ST7: variants seen among roughly 807,000 people sequenced by gnomAD.
ST7 encodes suppressor of tumorigenicity 7 protein.
Under a neutral mutation model 78.7 loss-of-function variants are expected in ST7, and 28 were observed. That is an observed-to-expected ratio of 0.36 (90% CI 0.26 to 0.49). The LOEUF is 0.49. ST7 is among the 20% of genes least tolerant of loss of function. The pLI is 0.99. For missense variants in ST7, 418 were observed against 696.0 expected (o/e 0.60, Z 4.49); for synonymous variants, 247 against 249.6 (o/e 0.99, Z 0.10).
chr7:117,074,177 G>A (rs904828175), intron 1 of ST7, among the ~76,000 whole-genome samples: 2 of 152,114 alleles, frequency 1.3e-5, no homozygotes, highest in Admixed American at 1.3e-4. Context: ...GATCACTTGA[G>A]GCCAGGAGTT....
chr7:117,083,029 T>G (rs1292625684), intron 1 of ST7, among the ~76,000 whole-genome samples: 1 of 152,190 alleles, frequency 6.6e-6, no homozygotes, highest in Non-Finnish European at 1.5e-5. Context: ...ACACCTTCCA[T>G]TTTTCTGCTA....
intron 15 of ST7, among the ~76,000 whole-genome samples, chr7:117,228,067 T>C (rs1043429404): frequency 6.6e-6 from 1 of 152,156 alleles, no homozygotes; most frequent in African/African-American, 2.4e-5. Flanking sequence ...CTTTTCCATT[T>C]CTCTTTGACT....
At chr7:117,041,366 C>A (rs1584506567) in intron 1 of ST7, among the ~76,000 whole-genome samples, 1 of 152,250 alleles carries the variant, frequency 6.6e-6, no homozygotes, top group African/African-American at 2.4e-5. Context: ...TGCCAAAAAA[C>A]CATGTTACAG....
At position 117,170,853 on chromosome 7, in the gene ST7, C is replaced by T. The variant is rs1225585379; in HGVS notation, c.964-9C>T. ...TATACTAATTATTCCTTGGTTTCTT[C>T]TGCCCTAGTTAATGAAGGAGTTCCC... is the stretch of plus-strand genomic sequence containing the variant. On this transcript the variant is annotated splice_polypyrimidine_tract_variant and intron_variant, in intron 9 of 15. Coordinates refer to ENST00000323984, the MANE Select transcript of ST7 (RefSeq NM_001369598.1). 6.6e-7 allele frequency: 1 copy of T among 1,507,026 alleles called. No homozygotes were observed. The highest frequency in any genetic ancestry group is 1.8e-5 in the Admixed American group (1 of 54,856). The allele number at this position is 1,507,026 out of a possible 1,614,324, so 93.4% of individuals were successfully genotyped here.
rs549282748 is a variant in ST7, at chr7:117,100,068, AG to A, written c.234+228del. Among the ~76,000 whole-genome samples the A allele has an allele frequency of 8.6e-4, 131 of 152,302 alleles. 2 individuals carry two copies. The Middle Eastern group carries it at 0.017, about 20-fold the overall frequency. On this transcript the variant is annotated intron_variant, in intron 2 of 15. Transcript: ENST00000323984. Reference sequence around the variant, plus strand: ...AAGCAATCGTATATTACTTTGTTGAAGGGGAAAAACAAATGTAAATGAAATG... The same window carrying A: ...AAGCAATCGTATATTACTTTGTTGAAGGGAAAAACAAATGTAAATGAAATG...
At chr7:117,198,483 C>A (rs769545959) in intron 12 of ST7, 1 of 318,530 alleles carries the variant, frequency 3.1e-6, no homozygotes, top group Non-Finnish European at 6.2e-6. Flanking sequence ...AGGGGAGGCT[C>A]TAGCATGTTC....
chr7:117,200,721 C>G (rs753433360), intron 12 of ST7, among the ~76,000 whole-genome samples: 2 of 151,326 alleles, frequency 1.3e-5, no homozygotes, highest in Non-Finnish European at 2.9e-5. Context: ...ATTTAGCTTT[C>G]AAATTATAAG....
chr7:117,118,343 G>A (rs1306573363), intron 2 of ST7: 1 of 152,154 alleles, frequency 6.6e-6, no homozygotes, highest in Non-Finnish European at 1.5e-5. Context: ...GTCAAAAAGA[G>A]TAACTACCTG....
At chr7:116,955,747 A>G (rs187805372) in intron 1 of ST7, among the ~76,000 whole-genome samples, 1 of 152,338 alleles carries the variant, frequency 6.6e-6, no homozygotes, top group East Asian at 1.9e-4. Flanking sequence ...CAAAATATCT[A>G]CTGGGAAAAT....
At chr7:117,118,892 G>A (rs1803130577) in intron 2 of ST7, among the ~76,000 whole-genome samples, 1 of 152,142 alleles carries the variant, frequency 6.6e-6, no homozygotes, top group Admixed American at 6.5e-5. Context: ...GTAATTCACA[G>A]TACATAACAA....
intron 12 of ST7, among the ~76,000 whole-genome samples, chr7:117,196,363 G>A (rs1436165955): frequency 1.5e-5 from 2 of 135,550 alleles, no homozygotes; most frequent in African/African-American, 2.5e-5. Context: ...TTTCCTTAGT[G>A]GCTGCACCAT....
intron 3 of ST7, among the ~76,000 whole-genome samples, chr7:117,126,296 A>G (rs1244021360): frequency 1.3e-5 from 2 of 151,858 alleles, no homozygotes; most frequent in Non-Finnish European, 2.9e-5. Flanking sequence ...TTTCAGAGTT[A>G]AATTGGGTGT....
intron 1 of ST7, among the ~76,000 whole-genome samples, chr7:116,978,185 A>G (rs1416463096): frequency 6.6e-6 from 1 of 152,186 alleles, no homozygotes; most frequent in Non-Finnish European, 1.5e-5. Context: ...TTCAGAGAAG[A>G]ACCATAGTTG....
intron 12 of ST7, among the ~76,000 whole-genome samples, chr7:117,200,976 C>G (rs1482705211): frequency 6.6e-6 from 1 of 152,028 alleles, no homozygotes. Flanking sequence ...GATGGAAATT[C>G]TATTTCATGC....
intron 1 of ST7, among the ~76,000 whole-genome samples, chr7:117,053,831 C>A (rs755983292): frequency 7.0e-6 from 1 of 143,520 alleles, no homozygotes; most frequent in Non-Finnish European, 1.5e-5. Flanking sequence ...AAGAACAGAA[C>A]AGAACAGAGG....
chr7:117,194,816 G>A (rs1230837218), intron 12 of ST7, among the ~76,000 whole-genome samples: 2 of 152,156 alleles, frequency 1.3e-5, no homozygotes, highest in East Asian at 3.9e-4. Context: ...ACACTGGGGT[G>A]GGCATGGGGG....
intron 7 of ST7, among the ~76,000 whole-genome samples, chr7:117,135,806 G>C (rs1445175883): frequency 6.6e-6 from 1 of 152,104 alleles, no homozygotes; most frequent in African/African-American, 2.4e-5. Context: ...GGGAGGCAGA[G>C]TAAGAACTTG....
intron 1 of ST7, among the ~76,000 whole-genome samples, chr7:117,035,442 G>A (rs1337184514): frequency 1.3e-5 from 2 of 151,916 alleles, no homozygotes; most frequent in African/African-American, 4.8e-5. Context: ...TTTTTTGAGG[G>A]GTGGCAGACT....
chr7:117,220,805 A>C (rs1793031474), intron 14 of ST7, among the ~76,000 whole-genome samples: 1 of 152,164 alleles, frequency 6.6e-6, no homozygotes. Context: ...GTGTGTTTGA[A>C]TCCCAGCAGG....
Sources: allele counts gnomAD v4.1 joint callset (sites outside exome capture counted in the v4.1 genomes callset), GRCh38; gene constraint gnomAD v4.1.1; transcripts MANE v1.5; gene names NCBI Gene and HGNC (gene_info 2026-07-23, HGNC 2026-07-21).